SNX18: variants seen among roughly 807,000 people sequenced by gnomAD.
The protein encoded by SNX18 is sorting nexin-18.
Under a neutral mutation model 48.7 loss-of-function variants are expected in SNX18, and 35 were observed. That is an observed-to-expected ratio of 0.72 (90% CI 0.55 to 0.95). The LOEUF (loss-of-function observed/expected upper bound fraction) is 0.95, where lower values mean the gene tolerates loss of function less well. Among genes scored for constraint, SNX18 ranks in the 40% least tolerant of loss-of-function variants. SNX18 has a pLI of 0.00. For missense variants in SNX18, 824 were observed against 871.0 expected, an observed-to-expected ratio of 0.95 and a Z score of 0.68; for synonymous variants, 492 against 384.7, an observed-to-expected ratio of 1.28 and a Z score of -3.26.
the SNX18 span, among the ~76,000 whole-genome samples, chr5:54,598,990 C>T: frequency 1.3e-5 from 2 of 152,204 alleles, no homozygotes; most frequent in African/African-American, 4.8e-5. Flanking sequence ...ACCCCATTGT[C>T]TCAGCCCAAA....
At chr5:54,637,307 T>C in the SNX18 span, among the ~76,000 whole-genome samples, 1 of 152,250 alleles carries the variant, frequency 6.6e-6, no homozygotes, top group Non-Finnish European at 1.5e-5. Context: ...AATTTTCTTA[T>C]GAATTAATCA....
the SNX18 span, among the ~76,000 whole-genome samples, chr5:54,618,799 C>T: frequency 6.6e-6 from 1 of 150,786 alleles, no homozygotes; most frequent in African/African-American, 2.5e-5. Context: ...CAGGACAACT[C>T]AGTTATAATT....
the SNX18 span, among the ~76,000 whole-genome samples, chr5:54,569,121 G>A: frequency 1.3e-5 from 2 of 151,872 alleles, no homozygotes; most frequent in South Asian, 2.1e-4. Context: ...GGGATTACAG[G>A]CATGAGCCAC....
the SNX18 span, among the ~76,000 whole-genome samples, chr5:54,561,120 G>A: frequency 1.3e-5 from 2 of 152,144 alleles, no homozygotes; most frequent in Non-Finnish European, 2.9e-5. Context: ...TCGGCTCACC[G>A]CCACCTCTGC....
the SNX18 span, among the ~76,000 whole-genome samples, chr5:54,642,630 TG>T: frequency 6.6e-6 from 1 of 152,184 alleles, no homozygotes; most frequent in Admixed American, 6.5e-5. Context: ...TCCATATCCA[TG>T]GGAAAAATGA....
the SNX18 span, among the ~76,000 whole-genome samples, chr5:54,612,972 C>T: frequency 6.6e-6 from 1 of 152,236 alleles, no homozygotes; most frequent in African/African-American, 2.4e-5. Context: ...ATTCCATCCC[C>T]CACAGCAAAG....
the SNX18 span, among the ~76,000 whole-genome samples, chr5:54,565,416 A>C: frequency 6.8e-6 from 1 of 148,002 alleles, no homozygotes; most frequent in African/African-American, 2.6e-5. Context: ...TCTACGAAAG[A>C]AAAAAAAAAT....
Position 54,517,761 on chromosome 5 carries a change from T to G in SNX18, c.-192T>G. 1 of 375,364 alleles carries G rather than the reference T, an allele frequency of 2.7e-6. No individual in the cohort carries two copies. The highest frequency in any genetic ancestry group is 4.3e-6 in the Non-Finnish European group (1 of 232,208). 23.3% of individuals were successfully genotyped at this position (375,364 alleles called of 1,614,324 possible). On this transcript the variant is annotated 5_prime_UTR_variant, in exon 1 of 2. Transcript: ENST00000381410. Reference sequence around the variant, plus strand: ...CGGCTGCGGCGGCCCAGCGCGGCAGTCGGCGCTGCGAAGTGGAGGCGCTGC... The same window carrying G: ...CGGCTGCGGCGGCCCAGCGCGGCAGGCGGCGCTGCGAAGTGGAGGCGCTGC...
At chr5:54,553,352 C>T in the SNX18 span, among the ~76,000 whole-genome samples, 3 of 152,040 alleles carry the variant, frequency 2.0e-5, 1 homozygote, top group Admixed American at 1.3e-4. Flanking sequence ...ACCTGGTGGC[C>T]ACCATGTCCC....
chr5:54,631,990 G>C, the SNX18 span, among the ~76,000 whole-genome samples: 1 of 152,202 alleles, frequency 6.6e-6, no homozygotes. Flanking sequence ...CCCACCCCCT[G>C]CACCTCTTCT....
intron 1 of SNX18, among the ~76,000 whole-genome samples, chr5:54,522,696 A>G (rs560394180): frequency 1.8e-4 from 28 of 152,244 alleles, no homozygotes; most frequent in Middle Eastern, 3.4e-3. Flanking sequence ...CAGAAAACAC[A>G]TTGGTTACGG....
chr5:54,528,317 G>C (rs1326112245), intron 1 of SNX18, among the ~76,000 whole-genome samples: 2 of 151,920 alleles, frequency 1.3e-5, no homozygotes, highest in Non-Finnish European at 2.9e-5. Context: ...GTAGGTACTT[G>C]CCCTCATGGA....
the SNX18 span, among the ~76,000 whole-genome samples, chr5:54,606,764 A>T: frequency 6.6e-6 from 1 of 152,164 alleles, no homozygotes; most frequent in Non-Finnish European, 1.5e-5. Context: ...CAACCAGGAG[A>T]TTGACATTAC....
chr5:54,578,297 T>G, the SNX18 span, among the ~76,000 whole-genome samples: 1 of 152,248 alleles, frequency 6.6e-6, no homozygotes, highest in African/African-American at 2.4e-5. Context: ...AACCTTTTGC[T>G]AAACAAAGGC....
At chr5:54,550,421 C>T (rs1172108853), downstream of SNX18, among the ~76,000 whole-genome samples, 2 of 151,188 alleles carry the variant, frequency 1.3e-5, no homozygotes, top group Admixed American at 1.3e-4. Flanking sequence ...GGATGAAAAA[C>T]TGTAGGTATC....
At chr5:54,637,468 A>G in the SNX18 span, among the ~76,000 whole-genome samples, 1 of 152,028 alleles carries the variant, frequency 6.6e-6, no homozygotes, top group Non-Finnish European at 1.5e-5. Flanking sequence ...AATAATATAG[A>G]TTTTGCCAGC....
At chr5:54,539,413 T>C (rs565047016) in intron 1 of SNX18, among the ~76,000 whole-genome samples, 2 of 152,228 alleles carry the variant, frequency 1.3e-5, no homozygotes, top group African/African-American at 4.8e-5. Flanking sequence ...TTATTACTAT[T>C]TCTAGCAGCT....
intron 1 of SNX18, among the ~76,000 whole-genome samples, chr5:54,524,371 G>A (rs1172687191): frequency 6.6e-6 from 1 of 152,170 alleles, no homozygotes; most frequent in Admixed American, 6.5e-5. Context: ...CCGAAGGGAG[G>A]CAGAGGACCT....
In SNX18 at chr5:54,526,773, G is replaced by T. The variant is rs535308457; in HGVS notation, c.1621+7200G>T. 3.3e-4 allele frequency among the ~76,000 whole-genome samples: 51 copies of T among 152,274 alleles called. No homozygotes were observed. In the Middle Eastern group the frequency reaches 0.01, roughly 30 times the overall value. On this transcript the variant is annotated intron_variant, in intron 1 of 1. Transcript: ENST00000381410. Reference sequence around the variant, plus strand: ...ACTCAATGAAAAACAAACACAGGAGGTAAGTTTTGATGTATGTTGGAGTTT... The same window carrying T: ...ACTCAATGAAAAACAAACACAGGAGTTAAGTTTTGATGTATGTTGGAGTTT...
Sources: gnomAD v4.1 joint callset for allele counts (sites outside exome capture counted in the v4.1 genomes callset) on GRCh38, gnomAD v4.1.1 for gene constraint, MANE v1.5 for transcripts, NCBI Gene and HGNC (gene_info 2026-07-23, HGNC 2026-07-21) for gene names.